PLPPR1: variants seen among roughly 807,000 people sequenced by gnomAD.
PLPPR1 encodes the protein phospholipid phosphatase related 1, also known as phospholipid phosphatase-related protein type 1.
In PLPPR1, 10 loss-of-function variants were observed where a neutral mutation model predicts 33.1. That is an observed-to-expected ratio of 0.30 (90% CI 0.19 to 0.51). The LOEUF (loss-of-function observed/expected upper bound fraction) is 0.51, where lower values mean the gene tolerates loss of function less well. Among genes scored for constraint, PLPPR1 ranks in the 20% least tolerant of loss-of-function variants. PLPPR1 has a pLI of 0.97. For synonymous variants in PLPPR1, 151 were observed against 151.0 expected, an observed-to-expected ratio of 1.00 and a Z score of 0.00; for missense variants, 304 against 408.1, an observed-to-expected ratio of 0.74 and a Z score of 2.20.
chr9:101,238,788 A>G (rs929636345), intron 2 of PLPPR1, among the ~76,000 whole-genome samples: 5 of 151,886 alleles, frequency 3.3e-5, no homozygotes, highest in African/African-American at 1.2e-4. Context: ...ACATAAAAAT[A>G]AATTAAGATT....
intron 1 of PLPPR1, among the ~76,000 whole-genome samples, chr9:101,143,033 T>G (rs1222578090): frequency 1.3e-5 from 2 of 152,116 alleles, no homozygotes; most frequent in Non-Finnish European, 2.9e-5. Flanking sequence ...ATTTGCCTGG[T>G]TGGATGAGGC....
chr9:101,299,045 A>G (rs1448872166), intron 4 of PLPPR1, among the ~76,000 whole-genome samples: 1 of 152,222 alleles, frequency 6.6e-6, no homozygotes, highest in Non-Finnish European at 1.5e-5. Context: ...TCTAAAGATA[A>G]GTGACAGTGC....
intron 1 of PLPPR1, among the ~76,000 whole-genome samples, chr9:101,053,060 C>G (rs2118448280): frequency 6.6e-6 from 1 of 152,312 alleles, no homozygotes; most frequent in Middle Eastern, 3.4e-3. Context: ...TTTTTGATAT[C>G]TCCACTCAGA....
chr9:101,227,276 TAA>T (rs112246842), intron 2 of PLPPR1, among the ~76,000 whole-genome samples: 88 of 152,208 alleles, frequency 5.8e-4, no homozygotes, highest in African/African-American at 1.9e-3. Context: ...TAAAAAAATG[TAA>T]AAGTGTTCCT....
At chr9:101,170,317 G>T (rs962124175) in intron 1 of PLPPR1, among the ~76,000 whole-genome samples, 3 of 152,184 alleles carry the variant, frequency 2.0e-5, no homozygotes, top group African/African-American at 7.2e-5. Flanking sequence ...TGGAGTCACA[G>T]TTCCACATGG....
rs10118697 is a variant in PLPPR1, at chr9:101,052,427, C to T, written c.-46+23325C>T. On this transcript the variant is annotated intron_variant, in intron 1 of 7. Coordinates refer to ENST00000374874, the MANE Select transcript of PLPPR1 (RefSeq NM_207299.2). ...GCTACACATCCTGCAATGCACAGGA[C>T]AGCCCTCCACTCTCACAGCAAGGAA... Among the ~76,000 whole-genome samples, 823 of 152,238 alleles carry T rather than the reference C, an allele frequency of 5.4e-3. 9 individuals carry two copies. The highest frequency in any genetic ancestry group is 0.019 in the African/African-American group (771 of 41,540).
intron 2 of PLPPR1, among the ~76,000 whole-genome samples, chr9:101,238,038 T>C (rs1307331923): frequency 1.5e-5 from 2 of 132,932 alleles, no homozygotes; most frequent in African/African-American, 5.6e-5. Flanking sequence ...ATCAGAGAAA[T>C]GTGTATATAT....
intron 1 of PLPPR1, among the ~76,000 whole-genome samples, chr9:101,069,665 A>C (rs1221325386): frequency 6.6e-6 from 1 of 152,148 alleles, no homozygotes; most frequent in Admixed American, 6.5e-5. Context: ...GGTATTTAAA[A>C]GTTCCCTAGT....
At chr9:101,031,526 C>T (rs545759948) in intron 1 of PLPPR1, among the ~76,000 whole-genome samples, 2 of 152,234 alleles carry the variant, frequency 1.3e-5, no homozygotes, top group Admixed American at 1.3e-4. Flanking sequence ...GATTTTCTCA[C>T]CATTCAGAAA....
chr9:101,103,993 A>AT (rs1830941645), intron 1 of PLPPR1, among the ~76,000 whole-genome samples: 1 of 8,530 alleles, frequency 1.2e-4, no homozygotes, highest in Non-Finnish European at 1.8e-4. Flanking sequence ...TTGTACATTG[A>AT]TTTTGTCTCC....
intron 4 of PLPPR1, among the ~76,000 whole-genome samples, chr9:101,297,414 G>A (rs1462004792): frequency 6.6e-6 from 1 of 152,144 alleles, no homozygotes; most frequent in African/African-American, 2.4e-5. Context: ...AGTTTTAAAT[G>A]AGACAATGAC....
chr9:101,048,437 A>G (rs1407037456), intron 1 of PLPPR1, among the ~76,000 whole-genome samples: 1 of 152,216 alleles, frequency 6.6e-6, no homozygotes, highest in Non-Finnish European at 1.5e-5. Context: ...TGGGCCTCTC[A>G]GAAACTGTGT....
At chr9:101,205,386 G>C (rs1466039818) in intron 2 of PLPPR1, among the ~76,000 whole-genome samples, 2 of 152,066 alleles carry the variant, frequency 1.3e-5, no homozygotes, top group Non-Finnish European at 2.9e-5. Context: ...TGATGTTTTT[G>C]AAAAATCTCT....
At chr9:101,237,900 G>T (rs1827345431) in intron 2 of PLPPR1, among the ~76,000 whole-genome samples, 5 of 120,322 alleles carry the variant, frequency 4.2e-5, no homozygotes, top group African/African-American at 6.4e-5. Flanking sequence ...ACATTTCTCT[G>T]ATTTAAGGCT....
intron 1 of PLPPR1, among the ~76,000 whole-genome samples, chr9:101,172,353 GAA>G (rs55644832): frequency 8.1e-5 from 12 of 148,286 alleles, no homozygotes; most frequent in Admixed American, 6.7e-4. Flanking sequence ...CACTAAAGGG[GAA>G]AAAAAAAAAC....
At chr9:101,251,818 C>T (rs1827717030) in intron 2 of PLPPR1, among the ~76,000 whole-genome samples, 1 of 152,016 alleles carries the variant, frequency 6.6e-6, no homozygotes, top group Admixed American at 6.6e-5. Flanking sequence ...GATGGTTGGT[C>T]ACAATGTATT....
rs916710950 is a variant in PLPPR1, at chr9:101,306,098, A to AT, written c.386-3105dup. The stretch of plus-strand genomic sequence containing the variant: ...TCATGGCCATCACCAGCAGACACCA[A>AT]TTTTTTTTGTCCTTCCAAGCCTCTT... On this transcript the variant is annotated intron_variant, in intron 4 of 7. Coordinates refer to ENST00000374874, the MANE Select transcript of PLPPR1 (RefSeq NM_207299.2). 1.2e-3 allele frequency among the ~76,000 whole-genome samples: 184 copies of AT among 151,940 alleles called. 1 individual carries two copies. Among genetic ancestry groups the AT allele is most frequent in the African/African-American group, 3.7e-3 (153 of 41,452 alleles).
intron 2 of PLPPR1, among the ~76,000 whole-genome samples, chr9:101,195,104 C>A (rs1564172256): frequency 6.6e-6 from 1 of 152,142 alleles, no homozygotes; most frequent in Non-Finnish European, 1.5e-5. Context: ...TTGGTATCTG[C>A]ATCTCAACAA....
At chr9:101,074,307 C>T (rs181664328) in intron 1 of PLPPR1, among the ~76,000 whole-genome samples, 2 of 152,050 alleles carry the variant, frequency 1.3e-5, no homozygotes, top group Non-Finnish European at 2.9e-5. Context: ...AGAAATAGAT[C>T]TAATAGATAA....
Sources: gnomAD v4.1 joint callset for allele counts (sites outside exome capture counted in the v4.1 genomes callset) on GRCh38, gnomAD v4.1.1 for gene constraint, MANE v1.5 for transcripts, NCBI Gene and HGNC (gene_info 2026-07-23, HGNC 2026-07-21) for gene names.